The following SLC16A12 variants were observed in gnomAD, a reference collection of about 807,000 sequenced individuals.
SLC16A12 encodes the protein monocarboxylate transporter 12.
SLC16A12 carries 17 observed loss-of-function variants against 42.4 expected under a neutral mutation model. The observed-to-expected ratio is 0.40, with a 90% CI of 0.27 to 0.60. The LOEUF (loss-of-function observed/expected upper bound fraction) is 0.60, where lower values mean the gene tolerates loss of function less well. SLC16A12 is among the 20% of genes least tolerant of loss of function. The probability of loss-of-function intolerance (pLI) is 0.42; values close to 1 mark genes in which losing one functional copy is unlikely to be tolerated. For synonymous variants in SLC16A12, 224 were observed against 229.4 expected (o/e 0.98, Z 0.21); for missense variants, 544 against 623.0 (o/e 0.87, Z 1.35).
intron 2 of SLC16A12, among the ~76,000 whole-genome samples, chr10:89,512,732 A>G (rs1389322022): frequency 6.6e-6 from 1 of 152,144 alleles, no homozygotes; most frequent in East Asian, 1.9e-4. Context: ...CTTTGTAATA[A>G]ACTGCTAATC....
chr10:89,520,525 A>C (rs1361521158), intron 2 of SLC16A12, among the ~76,000 whole-genome samples: 2 of 152,206 alleles, frequency 1.3e-5, no homozygotes, highest in African/African-American at 2.4e-5. Flanking sequence ...CAAAAGCTTA[A>C]AAATGCAAAA....
rs528666796 is a variant in SLC16A12, at chr10:89,481,678, A to AGTGTGT, written c.-46-19060_-46-19055dup. Reference sequence around the variant, plus strand: ...GTGTGTGTGTGTGAGAGAGAGAGAGAGTGTGTGTGTGTGTGTGTGTGTGTG... The same window carrying AGTGTGT: ...GTGTGTGTGTGTGAGAGAGAGAGAGAGTGTGTGTGTGTGTGTGTGTGTGTGTGTGTG... On this transcript the variant is annotated intron_variant, in intron 2 of 7. Coordinates refer to ENST00000371790, the MANE Select transcript of SLC16A12 (RefSeq NM_213606.4). Among the ~76,000 whole-genome samples, 14 of 143,980 alleles carry AGTGTGT rather than the reference A, an allele frequency of 9.7e-5. No individual in the cohort carries two copies. In the East Asian group the frequency reaches 1.2e-3, roughly 13 times the overall value. The allele number at this position is 143,980 out of a possible 152,430, so 94.5% of individuals were successfully genotyped here.
chr10:89,454,348 C>T (rs1158313476), intron 3 of SLC16A12, among the ~76,000 whole-genome samples: 1 of 152,088 alleles, frequency 6.6e-6, no homozygotes, highest in African/African-American at 2.4e-5. Context: ...CTCTAACCCC[C>T]TTACCATTCA....
intron 2 of SLC16A12, among the ~76,000 whole-genome samples, chr10:89,477,211 A>G (rs1314858051): frequency 2.0e-5 from 3 of 152,214 alleles, no homozygotes; most frequent in African/African-American, 4.8e-5. Flanking sequence ...ATGAACTTTT[A>G]ACAAAGTCCT....
chr10:89,441,331 G>C, intron 4 of SLC16A12, 80 bp from the exon 5 acceptor site: 2 of 1,573,052 alleles, frequency 1.3e-6, no homozygotes, highest in Non-Finnish European at 1.7e-6. Context: ...ATTGACAGAG[G>C]AGAGAACCTT....
At chr10:89,497,740 GA>G (rs34547324) in intron 2 of SLC16A12, among the ~76,000 whole-genome samples, 4 of 150,486 alleles carry the variant, frequency 2.7e-5, no homozygotes, top group East Asian at 3.9e-4. Flanking sequence ...TCAGAAAGAG[GA>G]AAAAAAAACC....
At chr10:89,511,210 T>TATAC (rs1191141784) in intron 2 of SLC16A12, among the ~76,000 whole-genome samples, 1 of 152,148 alleles carries the variant, frequency 6.6e-6, no homozygotes, top group African/African-American at 2.4e-5. Flanking sequence ...TACCATTTGA[T>TATAC]CCAGCAATCC....
intron 2 of SLC16A12, among the ~76,000 whole-genome samples, chr10:89,550,517 T>A (rs1226243112): frequency 6.6e-6 from 1 of 152,194 alleles, no homozygotes; most frequent in East Asian, 1.9e-4. Flanking sequence ...AGACTCCGTC[T>A]CAAAACAAAC....
At chr10:89,467,535 T>A (rs1842423044) in intron 2 of SLC16A12, among the ~76,000 whole-genome samples, 1 of 152,202 alleles carries the variant, frequency 6.6e-6, no homozygotes, top group South Asian at 2.1e-4. Flanking sequence ...TCATTACAAT[T>A]ATAAACAGGA....
chr10:89,502,404 C>T (rs767429435), intron 2 of SLC16A12, among the ~76,000 whole-genome samples: 2 of 151,918 alleles, frequency 1.3e-5, no homozygotes, highest in African/African-American at 4.8e-5. Flanking sequence ...GAGCCAAGAT[C>T]GTGCCATTGC....
intron 2 of SLC16A12, among the ~76,000 whole-genome samples, chr10:89,520,070 G>A (rs575262317): frequency 1.6e-4 from 24 of 150,860 alleles, no homozygotes; most frequent in African/African-American, 2.4e-4. Context: ...CCGAGATCGC[G>A]CCACTACACT....
intron 2 of SLC16A12, among the ~76,000 whole-genome samples, chr10:89,485,796 G>T (rs888488874): frequency 6.6e-6 from 1 of 151,922 alleles, no homozygotes. Flanking sequence ...AGATCAGTAG[G>T]TGCACACTGG....
chr10:89,475,848 C>T (rs1278614284), intron 2 of SLC16A12, among the ~76,000 whole-genome samples: 1 of 152,196 alleles, frequency 6.6e-6, no homozygotes, highest in East Asian at 1.9e-4. Flanking sequence ...AAAGGTACAA[C>T]TCGTGATTCA....
At chr10:89,436,799 G>A (rs1053575112) in intron 6 of SLC16A12, among the ~76,000 whole-genome samples, 11 of 144,652 alleles carry the variant, frequency 7.6e-5, no homozygotes, top group Non-Finnish European at 1.5e-5. Flanking sequence ...GAAAGGAAAG[G>A]AAAGGAGGAA....
intron 2 of SLC16A12, among the ~76,000 whole-genome samples, chr10:89,510,277 G>C (rs1172121366): frequency 6.6e-6 from 1 of 152,150 alleles, no homozygotes; most frequent in East Asian, 1.9e-4. Flanking sequence ...GCATAGCCAA[G>C]ACAATCCTAA....
At chr10:89,470,753 G>C (rs1434972973) in intron 2 of SLC16A12, among the ~76,000 whole-genome samples, 5 of 152,216 alleles carry the variant, frequency 3.3e-5, no homozygotes, top group Admixed American at 6.5e-5. Context: ...GAGGACAGAA[G>C]CCATCTCCTA....
chr10:89,556,408 T>A (rs1843816297), intron 1 of SLC16A12: 1 of 152,236 alleles, frequency 6.6e-6, no homozygotes, highest in Non-Finnish European at 1.5e-5. Flanking sequence ...TGTTTGTCTA[T>A]CTAGGTTATC....
intron 2 of SLC16A12, among the ~76,000 whole-genome samples, chr10:89,500,749 T>G (rs929901232): frequency 5.9e-5 from 9 of 152,112 alleles, no homozygotes; most frequent in African/African-American, 2.2e-4. Flanking sequence ...GGATGTCCAC[T>G]CTCACCACTC....
intron 2 of SLC16A12, among the ~76,000 whole-genome samples, chr10:89,548,110 G>T (rs17123591): frequency 4.6e-5 from 7 of 152,048 alleles, no homozygotes; most frequent in Admixed American, 4.6e-4. Context: ...CAAACTGCAG[G>T]TACTAATGCA....
Sources: gnomAD v4.1 joint callset for allele counts (sites outside exome capture counted in the v4.1 genomes callset) on GRCh38, gnomAD v4.1.1 for gene constraint, MANE v1.5 for transcripts, NCBI Gene and HGNC (gene_info 2026-07-23, HGNC 2026-07-21) for gene names.